Variants in PCDHA12 observed in about 807,000 individuals in gnomAD.
PCDHA12 encodes protocadherin alpha-12.
Under a neutral mutation model 60.0 loss-of-function variants are expected in PCDHA12, and 44 were observed. That is an observed-to-expected ratio of 0.73 (90% confidence interval 0.58 to 0.94). PCDHA12 has a LOEUF of 0.94. PCDHA12 is among the 40% of genes least tolerant of loss of function. The pLI is 0.00. For missense variants in PCDHA12, 1,276 were observed against 1,239.7 expected (o/e 1.03, Z -0.44); for synonymous variants, 569 against 553.0 (o/e 1.03, Z -0.40).
intron 1 of PCDHA12, among the ~76,000 whole-genome samples, chr5:140,955,262 CT>C (rs1165777806): frequency 3.9e-5 from 6 of 152,044 alleles, no homozygotes; most frequent in African/African-American, 1.4e-4. Flanking sequence ...TATAAAGGCT[CT>C]TTTTTGGTTC....
chr5:140,877,090 G>T lies in PCDHA12; in HGVS notation c.1618G>T (p.Ala540Ser), dbSNP rs201209762. ...LLQFQVSARD[A>S]GVPPLGSNVT... ...GCAGTTCCAGGTGAGCGCGCGCGAC[G>T]CCGGCGTGCCGCCTCTGGGCAGCAA... is the stretch of plus-strand genomic sequence containing the variant. The change falls in exon 1 of 4, where the codon GCC (alanine) becomes TCC (serine). Residue 540 changes from alanine (A) to serine (S), a missense_variant. Ala to Ser is a moderately conservative substitution (Grantham distance 99, BLOSUM62 1). Coordinates refer to ENST00000398631, the MANE Select transcript of PCDHA12 (RefSeq NM_018903.4). 4,655 of 1,613,184 alleles carry T rather than the reference G, an allele frequency of 2.9e-3. 21 individuals are homozygous for T. Among genetic ancestry groups the T allele is most frequent in the African/African-American group, 0.01 (785 of 75,036 alleles).
chr5:140,882,438 C>A lies in PCDHA12; in HGVS notation c.2367+4599C>A, dbSNP rs782795158. On this transcript the variant is annotated intron_variant, in intron 1 of 3. Coordinates refer to ENST00000398631, the MANE Select transcript of PCDHA12 (RefSeq NM_018903.4). ...GCTCAGGACCTGGGGCTGGAGCTGG[C>A]GGAGCTGGTGCCGCGCCTGTTCCGG... 3.1e-6 allele frequency: 5 copies of A among 1,613,902 alleles called. No individual in the cohort carries two copies. In the Admixed American group the frequency reaches 5.0e-5, roughly 16 times the overall value.
Position 141,000,578 on chromosome 5 carries a change from C to T in PCDHA12, c.2516-9049C>T, listed in dbSNP as rs191579983. On this transcript the variant is annotated intron_variant, in intron 3 of 3. Coordinates refer to ENST00000398631, the MANE Select transcript of PCDHA12 (RefSeq NM_018903.4). ...GAGTAGCTGGGATTACAGGTGCCTG[C>T]CACCATGCCCAGCTAATTTTTGTAT... Among the ~76,000 whole-genome samples the T allele has an allele frequency of 3.1e-3, 460 of 150,716 alleles. 6 individuals carry two copies. Among genetic ancestry groups the T allele is most frequent in the Middle Eastern group, 0.01 (3 of 290 alleles).
chr5:140,966,826 G>T, intron 1 of PCDHA12: 5 of 1,560,694 alleles, frequency 3.2e-6, no homozygotes, highest in Non-Finnish European at 4.3e-6. Context: ...GGCGGCCCAT[G>T]CCCTGGCTGC....
chr5:140,969,305 A>C (rs1481597194), intron 1 of PCDHA12: 1 of 1,614,206 alleles, frequency 6.2e-7, no homozygotes, highest in East Asian at 2.2e-5. Flanking sequence ...GATTATTCTC[A>C]AAAATGAGGC....
intron 1 of PCDHA12, chr5:140,928,137 C>A (rs537220203): frequency 6.2e-7 from 1 of 1,614,182 alleles, no homozygotes; most frequent in South Asian, 1.1e-5. Flanking sequence ...AAGTCCTGAT[C>A]ACGGCCTCAG....
intron 1 of PCDHA12, among the ~76,000 whole-genome samples, chr5:140,954,933 CTT>C (rs2095111807): frequency 6.6e-6 from 1 of 152,044 alleles, no homozygotes; most frequent in East Asian, 1.9e-4. Flanking sequence ...TTTAATTAAT[CTT>C]GAGTTAATTT....
In PCDHA12 at chr5:140,876,863, T is replaced by C. The variant is rs1225401565; in HGVS notation, c.1391T>C (p.Val464Ala). 4.3e-6 allele frequency: 7 copies of C among 1,613,806 alleles called. No individual in the cohort carries two copies. Among genetic ancestry groups the C allele is most frequent in the Non-Finnish European group, 5.1e-6 (6 of 1,179,954 alleles). ...GCGCAGCCCGAGTACACAGTGTTCG[T>C]GAAGGAGAACAACCCGCCGGGCTGC... ...AFAQPEYTVF[V>A]KENNPPGCHI... is the part of the protein sequence containing the mutation. Residue 464 changes from valine (V) to alanine (A), a missense_variant, in exon 1 of 4, where the codon GTG becomes GCG. Physicochemically the swap from Val to Ala is moderately conservative, Grantham distance 64. Coordinates refer to ENST00000398631, the MANE Select transcript of PCDHA12 (RefSeq NM_018903.4).
intron 3 of PCDHA12, among the ~76,000 whole-genome samples, chr5:140,996,703 C>G (rs2097740523): frequency 6.6e-6 from 1 of 152,132 alleles, no homozygotes; most frequent in African/African-American, 2.4e-5. Context: ...GAACCTCTAT[C>G]TCTTTGATTT....
intron 1 of PCDHA12, among the ~76,000 whole-genome samples, chr5:140,924,534 C>G (rs1488047727): frequency 1.3e-5 from 2 of 152,134 alleles, no homozygotes; most frequent in African/African-American, 2.4e-5. Context: ...AATGCCCGAG[C>G]TACCCCTCTC....
intron 3 of PCDHA12, 29 bp from the exon 4 acceptor site, chr5:141,009,598 T>C: frequency 6.2e-7 from 1 of 1,606,306 alleles, no homozygotes; most frequent in Non-Finnish European, 8.5e-7. Flanking sequence ...GTTGACCCTG[T>C]TAATGATTTG....
At chr5:140,895,677 G>T (rs1554186594) in intron 1 of PCDHA12, among the ~76,000 whole-genome samples, 2 of 151,984 alleles carry the variant, frequency 1.3e-5, no homozygotes, top group African/African-American at 4.8e-5. Flanking sequence ...GTAGTATTTG[G>T]TTTTCTGTTT....
intron 1 of PCDHA12, among the ~76,000 whole-genome samples, chr5:140,923,187 T>C (rs1554201249): frequency 1.3e-5 from 2 of 152,192 alleles, no homozygotes; most frequent in African/African-American, 4.8e-5. Flanking sequence ...ATGCATCTAC[T>C]GCAGCAATTT....
intron 1 of PCDHA12, chr5:140,883,596 T>C: frequency 1.2e-6 from 2 of 1,613,794 alleles, no homozygotes; most frequent in East Asian, 4.5e-5. Context: ...AGCGTGTCGG[T>C]GGGGGTGGCC....
chr5:140,883,071 A>T, intron 1 of PCDHA12: 1 of 1,614,116 alleles, frequency 6.2e-7, no homozygotes, highest in Non-Finnish European at 8.5e-7. Context: ...AATGCCACAG[A>T]TCCTGATGAT....
intron 3 of PCDHA12, among the ~76,000 whole-genome samples, chr5:140,994,367 G>C (rs2097617491): frequency 6.6e-6 from 1 of 152,110 alleles, no homozygotes; most frequent in African/African-American, 2.4e-5. Context: ...AGATGGAATT[G>C]GAAATTCAGG....
At chr5:140,973,980 A>G (rs1554235707) in intron 1 of PCDHA12, among the ~76,000 whole-genome samples, 1 of 152,248 alleles carries the variant, frequency 6.6e-6, no homozygotes, top group African/African-American at 2.4e-5. Flanking sequence ...TGGCTTTTAC[A>G]GAACTTCACC....
At chr5:140,928,099 C>T in intron 1 of PCDHA12, 5 of 1,614,204 alleles carry the variant, frequency 3.1e-6, no homozygotes, top group Non-Finnish European at 4.2e-6. Context: ...TGATGGGCCC[C>T]TGGACCGGGA....
intron 1 of PCDHA12, among the ~76,000 whole-genome samples, chr5:140,938,314 T>C (rs1026606524): frequency 2.0e-5 from 3 of 152,220 alleles, no homozygotes; most frequent in Non-Finnish European, 2.9e-5. Flanking sequence ...AGTATAAAAT[T>C]GAATAGAAGT....
Sources: gnomAD v4.1 joint callset for allele counts (sites outside exome capture counted in the v4.1 genomes callset) on GRCh38, gnomAD v4.1.1 for gene constraint, MANE v1.5 for transcripts, NCBI Gene and HGNC (gene_info 2026-07-23, HGNC 2026-07-21) for gene names.